Variants in PPCDC observed in about 807,000 individuals in gnomAD.
The protein encoded by PPCDC is phosphopantothenoylcysteine decarboxylase.
PPCDC carries 20 observed loss-of-function variants against 20.7 expected under a neutral mutation model. The ratio of observed to expected loss-of-function variants is 0.97; its 90% CI spans 0.68 to 1.41. PPCDC has a LOEUF of 1.41. Among genes scored for constraint, PPCDC ranks in the 40% most tolerant of loss-of-function variants. The pLI, the probability that PPCDC is intolerant of heterozygous loss-of-function variation, is 0.00. For missense variants in PPCDC, 246 were observed against 263.8 expected (o/e 0.93, Z 0.47); for synonymous variants, 88 against 100.3 (o/e 0.88, Z 0.73).
chr15:75,041,137 C>T (rs1485843090), intron 2 of PPCDC, among the ~76,000 whole-genome samples: 2 of 152,160 alleles, frequency 1.3e-5, no homozygotes, highest in African/African-American at 2.4e-5. Flanking sequence ...TTGTGTCTTC[C>T]CCACGAAAGA....
At chr15:75,044,036 C>A (rs953873171) in intron 3 of PPCDC, among the ~76,000 whole-genome samples, 2 of 148,174 alleles carry the variant, frequency 1.3e-5, no homozygotes, top group Non-Finnish European at 3.0e-5. Context: ...TCCCCGCCCC[C>A]ACCCCCTCCA....
chr15:75,049,147 C>T lies in PPCDC; in HGVS notation c.530-3C>T, dbSNP rs2066280096. 2.5e-6 allele frequency: 4 copies of T among 1,614,034 alleles called. No individual in the cohort carries two copies. The East Asian group carries it at 8.9e-5, about 36-fold the overall frequency. ...TCTGGCCACAGCGGAATTTTGCTCC[C>T]AGGTCTCGGGGCCATGGCTGAAGTG... On this transcript the variant is annotated splice_region_variant and splice_polypyrimidine_tract_variant and intron_variant, in intron 5 of 5. Transcript: ENST00000342932.
rs963725491 is a variant in PPCDC, at chr15:75,048,430, C to T, written c.361-123C>T. On this transcript the variant is annotated intron_variant, in intron 4 of 5. Transcript: ENST00000342932. The stretch of plus-strand genomic sequence containing the variant: ...CCCTGAGGGATGAGACAGCTCCCTG[C>T]AGGCAGGCTGTGCCCAGTCATCTCA... 25 of 1,327,768 alleles carry T rather than the reference C, an allele frequency of 1.9e-5. No individual in the cohort carries two copies. In the East Asian group the frequency reaches 5.7e-4, roughly 30 times the overall value. The allele number at this position is 1,327,768 out of a possible 1,614,324, so 82.2% of individuals were successfully genotyped here. A position where few individuals can be genotyped will look rare whatever the true frequency, so the allele number is the denominator to read the frequency against.
Position 75,049,236 on chromosome 15 carries a change from C to G in PPCDC, c.*1C>G. ...GCACAGTGGCTTCCAGCAGAGTTGACCTGGGATTTCTGTCATGGGTGTCCC... is the reference window on the plus strand; with the variant it reads ...GCACAGTGGCTTCCAGCAGAGTTGAGCTGGGATTTCTGTCATGGGTGTCCC... On this transcript the variant is annotated 3_prime_UTR_variant, in exon 6 of 6. Coordinates refer to ENST00000342932, the MANE Select transcript of PPCDC (RefSeq NM_021823.5). The G allele has an allele frequency of 6.2e-7, 1 of 1,613,702 alleles. No homozygotes were observed. The highest frequency in any genetic ancestry group is 1.3e-5 in the African/African-American group (1 of 75,044).
intron 4 of PPCDC, 68 bp from the exon 5 acceptor site, chr15:75,048,485 T>C: frequency 6.4e-7 from 1 of 1,564,488 alleles, no homozygotes; most frequent in South Asian, 1.2e-5. Context: ...GGCTGCAGGG[T>C]CTGGAGGGCG....
intron 4 of PPCDC, 112 bp from the exon 5 acceptor site, chr15:75,048,441 T>C: frequency 7.1e-7 from 1 of 1,412,820 alleles, no homozygotes; most frequent in Non-Finnish European, 9.6e-7. Context: ...AGGCAGGCTG[T>C]GCCCAGTCAT....
At chr15:75,024,656 T>G (rs1354478993) in intron 1 of PPCDC, among the ~76,000 whole-genome samples, 1 of 151,422 alleles carries the variant, frequency 6.6e-6, no homozygotes, top group Non-Finnish European at 1.5e-5. Flanking sequence ...ATCACCCTCC[T>G]GTATACTCTT....
At position 75,028,459 on chromosome 15, in the gene PPCDC, T is replaced by C. The variant is rs958678559; in HGVS notation, c.135+6T>C. ...AGCTTTTGGACATTCCTGGGGTGAG[T>C]ATCCTCACCAGATAAGCATGGCAGC... On this transcript the variant is annotated splice_donor_region_variant and intron_variant, in intron 2 of 5. Transcript: ENST00000342932. The C allele has an allele frequency of 6.2e-6, 10 of 1,613,938 alleles. No individual in the cohort carries two copies. The Admixed American group carries it at 1.0e-4, about 16-fold the overall frequency.
rs2066281647 is a variant in PPCDC at position 75,049,246 on chromosome 15, C to T, written c.*11C>T. The T allele has an allele frequency of 1.9e-6, 3 of 1,611,826 alleles. No individual in the cohort carries two copies. The highest frequency in any genetic ancestry group is 2.5e-6 in the Non-Finnish European group (3 of 1,177,968). ...TTCCAGCAGAGTTGACCTGGGATTT[C>T]TGTCATGGGTGTCCCTCTGTACTCA... On this transcript the variant is annotated 3_prime_UTR_variant, in exon 6 of 6. Coordinates refer to ENST00000342932, the MANE Select transcript of PPCDC (RefSeq NM_021823.5).
chr15:75,043,103 C>T (rs1315244984), intron 2 of PPCDC, among the ~76,000 whole-genome samples: 1 of 152,266 alleles, frequency 6.6e-6, no homozygotes, highest in Non-Finnish European at 1.5e-5. Flanking sequence ...CTGGCCTTGA[C>T]TTCCTTTCCT....
intron 2 of PPCDC, among the ~76,000 whole-genome samples, chr15:75,032,122 G>A (rs974208603): frequency 2.6e-5 from 4 of 152,162 alleles, no homozygotes; most frequent in African/African-American, 7.2e-5. Context: ...TACCAAAGCC[G>A]CATATTATGG....
intron 1 of PPCDC, chr15:75,028,029 C>CT (rs1329099306): frequency 4.0e-5 from 15 of 372,520 alleles, no homozygotes; most frequent in Non-Finnish European, 7.2e-5. Context: ...AGCCACGCAC[C>CT]TGGTACAGCC....
At chr15:75,044,062 G>A (rs781060316) in intron 3 of PPCDC, among the ~76,000 whole-genome samples, 1 of 119,598 alleles carries the variant, frequency 8.4e-6, no homozygotes, top group African/African-American at 3.1e-5. Flanking sequence ...CACTGCCCCG[G>A]AGCTTTCCAC....
chr15:75,042,949 C>T (rs1057435266), intron 2 of PPCDC, among the ~76,000 whole-genome samples: 2 of 152,252 alleles, frequency 1.3e-5, no homozygotes, highest in African/African-American at 4.8e-5. Context: ...GCTTTCTCTT[C>T]GGGTCATGCA....
Position 75,043,500 on chromosome 15 carries a change from T to A in PPCDC, c.195T>A (p.Ile65=). 1 of 1,612,706 alleles carries A rather than the reference T, an allele frequency of 6.2e-7. No individual in the cohort carries two copies. The highest frequency in any genetic ancestry group is 8.5e-7 in the Non-Finnish European group (1 of 1,179,344). The change falls in exon 3 of 6, where the codon ATT becomes ATA. Residue 65 remains isoleucine, a synonymous_variant. Transcript: ENST00000342932. ...RAKHFYSPQD[I]PVTLYSDADE... The stretch of plus-strand genomic sequence containing the variant: ...AACATTTCTACAGCCCCCAGGACAT[T>A]CCTGTCACCCTCTACAGCGACGCTG...
intron 1 of PPCDC, among the ~76,000 whole-genome samples, chr15:75,023,830 T>C (rs1259284871): frequency 6.6e-6 from 1 of 152,056 alleles, no homozygotes; most frequent in Non-Finnish European, 1.5e-5. Context: ...GCTGTACGGG[T>C]GGGGCCGCCT....
chr15:75,029,953 C>T (rs951434133), intron 2 of PPCDC, among the ~76,000 whole-genome samples: 1 of 152,194 alleles, frequency 6.6e-6, no homozygotes, highest in Non-Finnish European at 1.5e-5. Context: ...TCCCATCCCA[C>T]GCAGCCAGCG....
chr15:75,026,365 A>G lies in PPCDC; in HGVS notation c.-72-1882A>G, dbSNP rs59072564. Among the ~76,000 whole-genome samples, 797 of 152,140 alleles carry G rather than the reference A, an allele frequency of 5.2e-3. 8 individuals carry two copies. Among genetic ancestry groups the G allele is most frequent in the African/African-American group, 0.018 (745 of 41,510 alleles). On this transcript the variant is annotated intron_variant, in intron 1 of 5. Coordinates refer to ENST00000342932, the MANE Select transcript of PPCDC (RefSeq NM_021823.5). ...TTGTCAGATTCTAACAGGGCTCCCC[A>G]CTCCCTGGGGTAAACTCAGTTCTCC... is the stretch of plus-strand genomic sequence containing the variant.
intron 1 of PPCDC, among the ~76,000 whole-genome samples, chr15:75,024,770 C>G (rs1299436458): frequency 6.6e-6 from 1 of 151,578 alleles, no homozygotes; most frequent in Non-Finnish European, 1.5e-5. Context: ...ACTCCCTGGG[C>G]TCAGATAATC....
Sources: gnomAD v4.1 joint callset for allele counts (sites outside exome capture counted in the v4.1 genomes callset) on GRCh38, gnomAD v4.1.1 for gene constraint, MANE v1.5 for transcripts, NCBI Gene and HGNC (gene_info 2026-07-23, HGNC 2026-07-21) for gene names.